KATNIP: variants seen among roughly 807,000 people sequenced by gnomAD.
KATNIP encodes katanin-interacting protein.
A neutral mutation model predicts 174.0 loss-of-function variants in KATNIP; 126 were observed. The observed-to-expected ratio is 0.72, with a 90% CI of 0.63 to 0.84. The LOEUF (loss-of-function observed/expected upper bound fraction) is 0.84, where lower values mean the gene tolerates loss of function less well. Ranked by LOEUF, KATNIP falls within the 40% of genes least tolerant of loss-of-function variation. KATNIP has a pLI of 0.00. For synonymous variants in KATNIP, 810 were observed against 835.7 expected (o/e 0.97, Z 0.53); for missense variants, 1,958 against 2,109.7 (o/e 0.93, Z 1.41).
intron 1 of KATNIP, 89 bp from the exon 2 acceptor site, chr16:27,573,812 A>G: frequency 8.5e-7 from 1 of 1,170,372 alleles, no homozygotes; most frequent in Non-Finnish European, 1.3e-6. Context: ...GGTCCCATCT[A>G]TTCAGTTTGC....
intron 2 of KATNIP, among the ~76,000 whole-genome samples, chr16:27,595,005 G>A (rs1278196684): frequency 6.6e-6 from 1 of 152,204 alleles, no homozygotes; most frequent in Non-Finnish European, 1.5e-5. Context: ...ACAGGCAGTG[G>A]GAAGGGGACT....
intron 14 of KATNIP, among the ~76,000 whole-genome samples, chr16:27,735,715 T>C (rs1448520286): frequency 1.3e-5 from 2 of 152,188 alleles, no homozygotes; most frequent in African/African-American, 4.8e-5. Context: ...TCCTTCTAAA[T>C]TGCTGCGGAA....
chr16:27,749,992 T>C lies in KATNIP; in HGVS notation c.3032T>C (p.Ile1011Thr). 3 of 1,614,048 alleles carry C rather than the reference T, an allele frequency of 1.9e-6. No individual in the cohort carries two copies. Among genetic ancestry groups the C allele is most frequent in the Non-Finnish European group, 1.7e-6 (2 of 1,179,988 alleles). ...GGTGAACCGGTGCAGATTTCAAACATAAAAGCAGACCCTCCCGATATCAAT... is the reference window on the plus strand; with the variant it reads ...GGTGAACCGGTGCAGATTTCAAACACAAAAGCAGACCCTCCCGATATCAAT... ...SKGEPVQISN[I>T]KADPPDINIL... Residue 1011 changes from isoleucine (I) to threonine (T), a missense_variant, in exon 16 of 28, where the codon ATA (isoleucine) becomes ACA (threonine). Around this residue, in one of 3 missense-constraint regions of KATNIP, gnomAD observed 1,557 missense variants for 1,617.8 expected, o/e 0.96. Coordinates refer to ENST00000261588, the MANE Select transcript of KATNIP (RefSeq NM_015202.5).
At chr16:27,589,554 C>T (rs2075104527) in intron 2 of KATNIP, among the ~76,000 whole-genome samples, 1 of 152,172 alleles carries the variant, frequency 6.6e-6, no homozygotes, top group African/African-American at 2.4e-5. Context: ...GAAATAGCCT[C>T]ATGAGAAAAT....
At position 27,751,811 on chromosome 16, in the gene KATNIP, G is replaced by GT. The variant is rs1567399636; in HGVS notation, c.3440dup (p.Ser1149GlufsTer8). 1 of 1,614,266 alleles carries GT rather than the reference G, an allele frequency of 6.2e-7. No homozygotes were observed. On this transcript the variant is annotated frameshift_variant, in exon 17 of 28. Transcript: ENST00000261588. LOFTEE classifies it high-confidence loss of function. The stretch of plus-strand genomic sequence containing the variant: ...TTCTGATGAGATGTTTGACCTGGAT[G>GT]TGGGGAGCCTGGACAGCCTGCAGGA...
intron 17 of KATNIP, among the ~76,000 whole-genome samples, chr16:27,752,632 G>C (rs544308069): frequency 3.9e-4 from 60 of 152,308 alleles, no homozygotes; most frequent in Non-Finnish European, 7.1e-4. Context: ...GCTCATTGCA[G>C]CTCAAACTCC....
chr16:27,762,091 T>G (rs1031776332), intron 19 of KATNIP, among the ~76,000 whole-genome samples: 3 of 152,014 alleles, frequency 2.0e-5, no homozygotes, highest in South Asian at 2.1e-4. Context: ...TTGCGTCAAG[T>G]CAGTAGGTGG....
At chr16:27,638,545 C>T (rs928233184) in intron 5 of KATNIP, among the ~76,000 whole-genome samples, 3 of 152,172 alleles carry the variant, frequency 2.0e-5, no homozygotes, top group South Asian at 2.1e-4. Context: ...TCAAGGCAGC[C>T]AAGTCCCCAG....
At chr16:27,557,982 A>G (rs1322633793) in intron 1 of KATNIP, among the ~76,000 whole-genome samples, 1 of 152,156 alleles carries the variant, frequency 6.6e-6, no homozygotes, top group Admixed American at 6.5e-5. Flanking sequence ...TTGCCCTTTA[A>G]GAGGGAGGTG....
chr16:27,698,688 T>G (rs532501610), intron 9 of KATNIP, among the ~76,000 whole-genome samples, 188 bp downstream of exon 9: 8 of 152,378 alleles, frequency 5.3e-5, no homozygotes, highest in African/African-American at 1.7e-4. Flanking sequence ...TTCTTCCGCC[T>G]TCTTTTAGCT....
At chr16:27,653,768 C>T (rs1455435909) in intron 6 of KATNIP, among the ~76,000 whole-genome samples, 1 of 151,562 alleles carries the variant, frequency 6.6e-6, no homozygotes, top group Non-Finnish European at 1.5e-5. Flanking sequence ...AAGCAGTCAT[C>T]CTGCGTCAGC....
intron 1 of KATNIP, among the ~76,000 whole-genome samples, chr16:27,565,970 A>G (rs1242316579): frequency 6.6e-6 from 1 of 151,982 alleles, no homozygotes; most frequent in Non-Finnish European, 1.5e-5. Flanking sequence ...CTTCTCTGGA[A>G]AATCTAATCC....
rs759202757 is a variant in KATNIP at position 27,749,865 on chromosome 16, C to T, written c.2905C>T (p.Pro969Ser). Residue 969 changes from proline to serine, a missense_variant, in exon 16 of 28, where the codon CCC becomes TCC. This residue lies in a region of KATNIP where 1,557 missense variants were observed against 1,617.8 expected (regional missense o/e 0.96). Transcript: ENST00000261588. ...AGACGCTGGGGGTGACTTTAAAATC[C>T]CCGTCTTGCCTTATGGACAGCGCTT... ...ETDAGGDFKIPVLPYGQRLVI... is the reference protein window; with the variant it reads ...ETDAGGDFKISVLPYGQRLVI... 6 of 1,614,036 alleles carry T rather than the reference C, an allele frequency of 3.7e-6. No homozygotes were observed. Among genetic ancestry groups the T allele is most frequent in the Non-Finnish European group, 4.2e-6 (5 of 1,180,040 alleles).
In KATNIP at chr16:27,625,023, A is replaced by T. The variant is rs577796415; in HGVS notation, c.141-3638A>T. On this transcript the variant is annotated intron_variant, in intron 3 of 27. Coordinates refer to ENST00000261588, the MANE Select transcript of KATNIP (RefSeq NM_015202.5). The stretch of plus-strand genomic sequence containing the variant: ...CAGTAGAGGGTGGCAGGGCAGCAGG[A>T]GGGAAGAGTTCGATTTTAGATAGGG... Among the ~76,000 whole-genome samples the T allele has an allele frequency of 4.0e-4, 61 of 152,276 alleles. 1 individual carries two copies. In the South Asian group the frequency reaches 4.6e-3, roughly 11 times the overall value.
intron 8 of KATNIP, among the ~76,000 whole-genome samples, chr16:27,695,804 A>G (rs2078893877): frequency 6.6e-6 from 1 of 152,148 alleles, no homozygotes; most frequent in African/African-American, 2.4e-5. Context: ...AAAAATCCAA[A>G]CATAAATAAT....
intron 6 of KATNIP, among the ~76,000 whole-genome samples, chr16:27,677,039 G>T (rs577674201): frequency 6.6e-6 from 1 of 152,100 alleles, no homozygotes; most frequent in Non-Finnish European, 1.5e-5. Context: ...TCTTGGTTTG[G>T]GTGATTCATG....
At chr16:27,698,298 A>G (rs201023514) in intron 8 of KATNIP, 30 bp from the exon 9 acceptor site, 1 of 1,583,022 alleles carries the variant, frequency 6.3e-7, no homozygotes, top group East Asian at 2.3e-5. Context: ...ATATAATCTA[A>G]AAGAACGTCC....
At chr16:27,694,832 C>T (rs1280473354) in intron 8 of KATNIP, among the ~76,000 whole-genome samples, 1 of 150,052 alleles carries the variant, frequency 6.7e-6, no homozygotes, top group Non-Finnish European at 1.5e-5. Context: ...TTTACATATC[C>T]AGCCTAGACT....
At chr16:27,743,179 G>C (rs1304847928) in intron 15 of KATNIP, among the ~76,000 whole-genome samples, 1 of 152,188 alleles carries the variant, frequency 6.6e-6, no homozygotes, top group Non-Finnish European at 1.5e-5. Context: ...TCCCTGCAAA[G>C]GACATGATAT....
Sources: gnomAD v4.1 joint callset for allele counts (sites outside exome capture counted in the v4.1 genomes callset) on GRCh38, gnomAD v4.1.1 for gene constraint, gnomAD v4.1.1 regional missense constraint, MANE v1.5 for transcripts, NCBI Gene and HGNC (gene_info 2026-07-23, HGNC 2026-07-21) for gene names.